SDK1: variants seen among roughly 807,000 people sequenced by gnomAD.
SDK1 encodes the protein protein sidekick-1.
In SDK1, 157 loss-of-function variants were observed where a neutral mutation model predicts 245.5. The ratio of observed to expected loss-of-function variants is 0.64; its 90% CI spans 0.56 to 0.73. The LOEUF is 0.73. Among genes scored for constraint, SDK1 ranks in the 30% least tolerant of loss-of-function variants. The pLI, the probability that SDK1 is intolerant of heterozygous loss-of-function variation, is 0.00. For synonymous variants in SDK1, 1,647 were observed against 1,278.5 expected, an observed-to-expected ratio of 1.29 and a Z score of -6.15; for missense variants, 3,583 against 3,002.3, an observed-to-expected ratio of 1.19 and a Z score of -4.52.
intron 1 of SDK1, among the ~76,000 whole-genome samples, chr7:3,366,123 C>G (rs182145487): frequency 6.6e-6 from 1 of 150,710 alleles, no homozygotes; most frequent in East Asian, 1.9e-4. Flanking sequence ...ATTTCTGTTT[C>G]TCTAATTCTG....
intron 36 of SDK1, 37 bp from the exon 37 acceptor site, chr7:4,208,062 C>A (rs758949324): frequency 2.2e-5 from 34 of 1,554,078 alleles, no homozygotes; most frequent in South Asian, 2.1e-4. Context: ...GGAAGGCTTC[C>A]CCAGGACCCA....
rs576391401 is a variant in SDK1 at position 4,195,828 on chromosome 7, T to C, written c.5099-10051T>C. 2.0e-5 allele frequency among the ~76,000 whole-genome samples: 3 copies of C among 152,156 alleles called. No individual in the cohort carries two copies. The South Asian group carries it at 6.2e-4, about 32-fold the overall frequency. ...AAGCCGTCGCTGCTCCTCCCCAGCCTCTCGGCAGCAGCAGCCACGGTGGCA... is the reference window on the plus strand; with the variant it reads ...AAGCCGTCGCTGCTCCTCCCCAGCCCCTCGGCAGCAGCAGCCACGGTGGCA... On this transcript the variant is annotated intron_variant, in intron 35 of 44. Transcript: ENST00000404826.
rs772229890 is a variant in SDK1, at chr7:4,078,967, TG to T, written c.3203-493del. Among the ~76,000 whole-genome samples the T allele has an allele frequency of 2.1e-3, 316 of 152,234 alleles. 1 individual carries two copies. The highest frequency in any genetic ancestry group is 3.6e-3 in the Non-Finnish European group (243 of 67,998). On this transcript the variant is annotated intron_variant, in intron 21 of 44. Coordinates refer to ENST00000404826, the MANE Select transcript of SDK1 (RefSeq NM_152744.4). ...GATCCTGACCGGGTGTCACGTCGCC[TG>T]GGAGCAGGCGATCCTGACCGGGTGT...
At chr7:3,679,889 C>CG (rs1784046693) in intron 4 of SDK1, among the ~76,000 whole-genome samples, 1 of 152,154 alleles carries the variant, frequency 6.6e-6, no homozygotes, top group African/African-American at 2.4e-5. Flanking sequence ...ATGACCCTAT[C>CG]GGTCACACTT....
chr7:3,781,989 A>G (rs1780759959), intron 4 of SDK1, among the ~76,000 whole-genome samples: 1 of 152,194 alleles, frequency 6.6e-6, no homozygotes, highest in Admixed American at 6.5e-5. Context: ...AGCACCAGAA[A>G]CTATATTTAA....
At chr7:3,589,976 CAT>C (rs1240318905) in intron 1 of SDK1, among the ~76,000 whole-genome samples, 2 of 152,226 alleles carry the variant, frequency 1.3e-5, no homozygotes, top group Non-Finnish European at 2.9e-5. Flanking sequence ...TGACCTGAGT[CAT>C]GTGCTTCCTG....
chr7:4,215,265 C>T (rs1443047932), intron 38 of SDK1, among the ~76,000 whole-genome samples: 3 of 152,226 alleles, frequency 2.0e-5, no homozygotes, highest in South Asian at 2.1e-4. Context: ...GATGAAGATT[C>T]CCAATTGGTG....
chr7:4,231,025 G>T (rs941609859), intron 40 of SDK1, among the ~76,000 whole-genome samples: 2 of 152,166 alleles, frequency 1.3e-5, no homozygotes, highest in Non-Finnish European at 1.5e-5. Context: ...GGGGGCAACA[G>T]TTCTCCAGGT....
At chr7:3,419,625 C>G (rs11973741) in intron 1 of SDK1, among the ~76,000 whole-genome samples, 2 of 152,054 alleles carry the variant, frequency 1.3e-5, no homozygotes, top group African/African-American at 4.8e-5. Context: ...GGTCAGGTAT[C>G]CTAGTCATCT....
intron 1 of SDK1, among the ~76,000 whole-genome samples, chr7:3,578,703 C>T (rs958110259): frequency 1.3e-5 from 2 of 151,860 alleles, no homozygotes; most frequent in Non-Finnish European, 1.5e-5. Flanking sequence ...CCTGCTTGCA[C>T]ATCCGTTTAT....
At chr7:3,975,467 A>G (rs993544508) in intron 13 of SDK1, among the ~76,000 whole-genome samples, 1 of 152,168 alleles carries the variant, frequency 6.6e-6, no homozygotes, top group African/African-American at 2.4e-5. Flanking sequence ...TGTATTCAAA[A>G]TCATTCCCCA....
Position 4,122,477 on chromosome 7 carries a change from A to G in SDK1, c.3824-4904A>G, listed in dbSNP as rs143273678. 1.8e-4 allele frequency among the ~76,000 whole-genome samples: 28 copies of G among 152,300 alleles called. No individual in the cohort carries two copies. In the East Asian group the frequency reaches 5.4e-3, roughly 29 times the overall value. On this transcript the variant is annotated intron_variant, in intron 25 of 44. Transcript: ENST00000404826. ...AATAGCAGCTCCTGGGAGCTTAGGA[A>G]TGGCCCAGTGTGCAGGAGTGCTGAA... is the stretch of plus-strand genomic sequence containing the variant.
At chr7:4,138,076 G>C (rs1219312924) in intron 28 of SDK1, among the ~76,000 whole-genome samples, 5 of 152,174 alleles carry the variant, frequency 3.3e-5, no homozygotes, top group Non-Finnish European at 7.3e-5. Context: ...TAATAGGAAG[G>C]TACAAATAGA....
intron 4 of SDK1, among the ~76,000 whole-genome samples, chr7:3,796,757 T>A (rs945477285): frequency 1.3e-5 from 2 of 152,240 alleles, no homozygotes; most frequent in African/African-American, 4.8e-5. Flanking sequence ...CAGTATTGAT[T>A]ATTAATTTTA....
chr7:3,433,989 G>C (rs771565427), intron 1 of SDK1, among the ~76,000 whole-genome samples: 2 of 152,222 alleles, frequency 1.3e-5, no homozygotes, highest in African/African-American at 4.8e-5. Flanking sequence ...AGAAGGAAGT[G>C]TTAAGAATTT....
intron 32 of SDK1, among the ~76,000 whole-genome samples, chr7:4,171,532 G>C (rs1036704586): frequency 6.6e-6 from 1 of 152,202 alleles, no homozygotes; most frequent in African/African-American, 2.4e-5. Flanking sequence ...TGAAGTCCCG[G>C]GCTCTGGTTC....
intron 1 of SDK1, among the ~76,000 whole-genome samples, chr7:3,469,944 T>C (rs1781129055): frequency 1.3e-5 from 2 of 152,204 alleles, no homozygotes; most frequent in African/African-American, 4.8e-5. Flanking sequence ...ATTGCAGAGA[T>C]TTGCTTCTGG....
rs1220799005 is a variant in SDK1 at position 3,852,061 on chromosome 7, T to C, written c.847+30478T>C. ...TAGAGAAGGAAGGATTGCTTGGCGC[T>C]GGAGGTCTGCTTTGTGCAGAGCAGC... On this transcript the variant is annotated intron_variant, in intron 5 of 44. Coordinates refer to ENST00000404826, the MANE Select transcript of SDK1 (RefSeq NM_152744.4). 2.0e-5 allele frequency among the ~76,000 whole-genome samples: 3 copies of C among 152,126 alleles called. No individual in the cohort carries two copies. In the East Asian group the frequency reaches 5.8e-4, roughly 29 times the overall value.
intron 4 of SDK1, among the ~76,000 whole-genome samples, chr7:3,802,067 G>C (rs998926907): frequency 6.6e-6 from 1 of 152,124 alleles, no homozygotes; most frequent in African/African-American, 2.4e-5. Context: ...ATTCACAGAA[G>C]GTTGCAAAAA....
Sources: allele counts gnomAD v4.1 joint callset (sites outside exome capture counted in the v4.1 genomes callset), GRCh38; gene constraint gnomAD v4.1.1; transcripts MANE v1.5; gene names NCBI Gene and HGNC (gene_info 2026-07-23, HGNC 2026-07-21).